Variants in BICC1 observed in about 807,000 individuals in gnomAD.
BICC1 encodes BicC family RNA binding protein 1, also known as protein bicaudal C homolog 1.
A neutral mutation model predicts 111.0 loss-of-function variants in BICC1; 43 were observed. The ratio of observed to expected loss-of-function variants is 0.39; its 90% confidence interval spans 0.30 to 0.50. The LOEUF is 0.50. Ranked by LOEUF, BICC1 falls within the 20% of genes least tolerant of loss-of-function variation. The pLI, the probability that BICC1 is intolerant of heterozygous loss-of-function variation, is 0.88. For synonymous variants in BICC1, 467 were observed against 434.4 expected, an observed-to-expected ratio of 1.07 and a Z score of -0.93; for missense variants, 1,091 against 1,203.2, an observed-to-expected ratio of 0.91 and a Z score of 1.38.
At chr10:58,585,828 A>G (rs532934359) in intron 1 of BICC1, among the ~76,000 whole-genome samples, 49 of 152,286 alleles carry the variant, frequency 3.2e-4, no homozygotes, top group African/African-American at 1.1e-3. Context: ...TATTCTCCCA[A>G]TGTGTGACAG....
chr10:58,603,812 C>T (rs112541826), intron 1 of BICC1, among the ~76,000 whole-genome samples: 1,607 of 152,086 alleles, frequency 0.011, 29 homozygotes, highest in African/African-American at 0.037. Context: ...ACATTCTGTT[C>T]GTTCAATTTC....
chr10:58,794,204 T>TGTGTAC (rs1843277510), intron 9 of BICC1, among the ~76,000 whole-genome samples: 1 of 151,184 alleles, frequency 6.6e-6, no homozygotes, highest in Non-Finnish European at 1.5e-5. Context: ...TGTGTGTGTG[T>TGTGTAC]GTGTGTACAT....
At chr10:58,626,336 G>C (rs1837623283) in intron 2 of BICC1, among the ~76,000 whole-genome samples, 1 of 152,184 alleles carries the variant, frequency 6.6e-6, no homozygotes, top group South Asian at 2.1e-4. Context: ...GACAGAATCC[G>C]TGATCATGTT....
intron 1 of BICC1, among the ~76,000 whole-genome samples, chr10:58,605,669 C>T (rs1191610042): frequency 6.6e-6 from 1 of 152,096 alleles, no homozygotes; most frequent in Non-Finnish European, 1.5e-5. Context: ...ATACCTGATA[C>T]AATGTAAATG....
chr10:58,647,024 C>T (rs1203799594), intron 2 of BICC1, among the ~76,000 whole-genome samples: 1 of 152,108 alleles, frequency 6.6e-6, no homozygotes, highest in Non-Finnish European at 1.5e-5. Context: ...CAAATTCTCT[C>T]CCCAAAGATA....
intron 1 of BICC1, among the ~76,000 whole-genome samples, chr10:58,552,818 A>C (rs929244637): frequency 2.6e-5 from 4 of 152,252 alleles, no homozygotes; most frequent in African/African-American, 9.6e-5. Context: ...AACAGTCTCT[A>C]AAATTCTGAT....
chr10:58,800,681 C>CT (rs1411967792), intron 13 of BICC1, among the ~76,000 whole-genome samples: 1 of 152,166 alleles, frequency 6.6e-6, no homozygotes, highest in Non-Finnish European at 1.5e-5. Flanking sequence ...CCCACCAAAT[C>CT]TTTAAAATAT....
At chr10:58,599,139 C>A (rs1352025888) in intron 1 of BICC1, among the ~76,000 whole-genome samples, 1 of 152,194 alleles carries the variant, frequency 6.6e-6, no homozygotes, top group Non-Finnish European at 1.5e-5. Context: ...GCCCAACAAT[C>A]CCATTACTGG....
intron 18 of BICC1, chr10:58,814,405 C>T (rs1168964289): frequency 9.8e-6 from 4 of 409,876 alleles, no homozygotes; most frequent in Admixed American, 4.2e-5. Context: ...GGTAGGTGCT[C>T]AGTAAAAGTT....
intron 3 of BICC1, among the ~76,000 whole-genome samples, chr10:58,704,864 A>G (rs186323230): frequency 2.6e-5 from 4 of 152,332 alleles, no homozygotes; most frequent in Admixed American, 2.6e-4. Flanking sequence ...TAAATATTTG[A>G]GCCTAGACAA....
At chr10:58,687,965 C>T (rs577488630) in intron 2 of BICC1, among the ~76,000 whole-genome samples, 9 of 152,222 alleles carry the variant, frequency 5.9e-5, no homozygotes, top group African/African-American at 2.2e-4. Context: ...GGAGTTGTTC[C>T]TATTTGGCCA....
intron 1 of BICC1, among the ~76,000 whole-genome samples, chr10:58,551,863 G>A (rs1379383078): frequency 6.6e-6 from 1 of 152,090 alleles, no homozygotes; most frequent in Non-Finnish European, 1.5e-5. Flanking sequence ...AGCAGCATTA[G>A]GAAAGTAATA....
chr10:58,699,991 C>A (rs189471643), intron 2 of BICC1, among the ~76,000 whole-genome samples: 9 of 152,290 alleles, frequency 5.9e-5, no homozygotes, highest in Admixed American at 2.6e-4. Flanking sequence ...TGCATGCAGC[C>A]TTATTTTTCT....
At chr10:58,627,495 G>C (rs1191763695) in intron 2 of BICC1, among the ~76,000 whole-genome samples, 2 of 152,188 alleles carry the variant, frequency 1.3e-5, no homozygotes, top group Non-Finnish European at 2.9e-5. Flanking sequence ...TTGAGATACA[G>C]ACTTCCTCAT....
intron 2 of BICC1, among the ~76,000 whole-genome samples, chr10:58,652,189 A>G (rs1314270342): frequency 6.6e-6 from 1 of 152,176 alleles, no homozygotes. Flanking sequence ...GAACATAACC[A>G]ATCTATCATC....
chr10:58,711,318 G>C (rs1333493612), intron 3 of BICC1, among the ~76,000 whole-genome samples: 2 of 152,282 alleles, frequency 1.3e-5, no homozygotes, highest in East Asian at 3.9e-4. Context: ...ACTCAGAGGA[G>C]AACAGAGACC....
intron 3 of BICC1, among the ~76,000 whole-genome samples, chr10:58,703,491 G>A (rs555506228): frequency 7.9e-5 from 12 of 152,024 alleles, no homozygotes; most frequent in Admixed American, 2.0e-4. Flanking sequence ...TATCATGGGC[G>A]GCAAGGAATT....
chr10:58,656,058 A>C (rs1838635991), intron 2 of BICC1, among the ~76,000 whole-genome samples: 1 of 152,230 alleles, frequency 6.6e-6, no homozygotes, highest in African/African-American at 2.4e-5. Flanking sequence ...CCATCAGAGA[A>C]TACTACAGAC....
At chr10:58,773,803 G>A (rs1044648765) in intron 3 of BICC1, among the ~76,000 whole-genome samples, 4 of 152,196 alleles carry the variant, frequency 2.6e-5, no homozygotes, top group Non-Finnish European at 4.4e-5. Flanking sequence ...TATTTGTTAC[G>A]AGGGTACTGT....
Sources: gnomAD v4.1 joint callset for allele counts (sites outside exome capture counted in the v4.1 genomes callset) on GRCh38, gnomAD v4.1.1 for gene constraint, MANE v1.5 for transcripts, NCBI Gene and HGNC (gene_info 2026-07-23, HGNC 2026-07-21) for gene names.